Variants in WWC1 observed in about 807,000 individuals in gnomAD.
WWC1 encodes the protein protein KIBRA.
WWC1 carries 55 observed loss-of-function variants against 138.4 expected under a neutral mutation model. The ratio of observed to expected loss-of-function variants is 0.40; its 90% CI spans 0.32 to 0.50. The LOEUF is 0.50. WWC1 is among the 20% of genes least tolerant of loss of function. WWC1 has a pLI of 0.72. For missense variants in WWC1, 1,226 were observed against 1,420.4 expected, an observed-to-expected ratio of 0.86 and a Z score of 2.20; for synonymous variants, 524 against 564.9, an observed-to-expected ratio of 0.93 and a Z score of 1.03.
At chr5:168,432,544 A>G (rs992425267) in intron 15 of WWC1, among the ~76,000 whole-genome samples, 1 of 152,236 alleles carries the variant, frequency 6.6e-6, no homozygotes, top group African/African-American at 2.4e-5. Context: ...GTTAACCCTG[A>G]TGCCATTTAG....
intron 2 of WWC1, among the ~76,000 whole-genome samples, chr5:168,374,606 T>A (rs1014632877): frequency 6.6e-6 from 1 of 152,116 alleles, no homozygotes; most frequent in Non-Finnish European, 1.5e-5. Context: ...AGAGTAGAGG[T>A]CAGGCAGTGG....
chr5:168,416,018 C>G (rs1227629599), intron 9 of WWC1: 3 of 152,168 alleles, frequency 2.0e-5, no homozygotes, highest in African/African-American at 7.2e-5. Flanking sequence ...GTCACCCCAT[C>G]ATGGGGCTTC....
chr5:168,294,728 C>T (rs565736674), intron 1 of WWC1, among the ~76,000 whole-genome samples: 21 of 152,218 alleles, frequency 1.4e-4, no homozygotes, highest in South Asian at 8.3e-4. Flanking sequence ...TGGGTTCAAG[C>T]GATTCTCCTG....
At chr5:168,383,804 C>T (rs1777829768) in intron 2 of WWC1, among the ~76,000 whole-genome samples, 1 of 152,218 alleles carries the variant, frequency 6.6e-6, no homozygotes, top group South Asian at 2.1e-4. Context: ...CCTAACACCA[C>T]CCAACAACTG....
At chr5:168,459,774 C>A (rs559294821) in intron 19 of WWC1, among the ~76,000 whole-genome samples, 1 of 152,250 alleles carries the variant, frequency 6.6e-6, no homozygotes, top group Non-Finnish European at 1.5e-5. Flanking sequence ...AGGAGACCTG[C>A]AACAGTGAAC....
At position 168,432,889 on chromosome 5, in the gene WWC1, G is replaced by C. The variant is rs528916365; in HGVS notation, c.2280+1445G>C. ...CTCCATTTCTGGAAGCTGGAATGTAGAGCCTCTCACTGCCTTCTTGGAGGG... is the reference window on the plus strand; with the variant it reads ...CTCCATTTCTGGAAGCTGGAATGTACAGCCTCTCACTGCCTTCTTGGAGGG... On this transcript the variant is annotated intron_variant, in intron 15 of 22. Coordinates refer to ENST00000265293, the MANE Select transcript of WWC1 (RefSeq NM_015238.3). Among the ~76,000 whole-genome samples the C allele has an allele frequency of 7.2e-5, 11 of 152,330 alleles. No individual in the cohort carries two copies. The South Asian group carries it at 2.3e-3, about 32-fold the overall frequency.
chr5:168,334,392 G>A (rs1773287828), intron 1 of WWC1, among the ~76,000 whole-genome samples: 2 of 152,038 alleles, frequency 1.3e-5, no homozygotes, highest in South Asian at 4.1e-4. Context: ...TTGCAACCTT[G>A]TGCATTATAG....
intron 1 of WWC1, among the ~76,000 whole-genome samples, chr5:168,357,373 C>G (rs1273852083): frequency 1.3e-5 from 2 of 151,702 alleles, no homozygotes; most frequent in African/African-American, 4.8e-5. Flanking sequence ...CTCCCCAGCA[C>G]TGGAGCTCAA....
At position 168,414,103 on chromosome 5, in the gene WWC1, A is replaced by G. The variant is rs138365563; in HGVS notation, c.942-245A>G. On this transcript the variant is annotated intron_variant, in intron 8 of 22. Coordinates refer to ENST00000265293, the MANE Select transcript of WWC1 (RefSeq NM_015238.3). Reference sequence around the variant, plus strand: ...TCCACATCTCTATTGTACCAGGAACAGGGCAAGGACATTGCCTTGTTCATG... The same window carrying G: ...TCCACATCTCTATTGTACCAGGAACGGGGCAAGGACATTGCCTTGTTCATG... 1.6e-3 allele frequency: 803 copies of G among 495,548 alleles called. 1 individual carries two copies. The highest frequency in any genetic ancestry group is 0.014 in the African/African-American group (729 of 51,828). The allele number at this position is 495,548 out of a possible 1,614,324, so 30.7% of individuals were successfully genotyped here.
rs578095343 is a variant in WWC1, at chr5:168,467,598, C to A, written c.3151-242C>A. On this transcript the variant is annotated intron_variant, in intron 21 of 22. Transcript: ENST00000265293. Reference sequence around the variant, plus strand: ...TAGAGGTAGCGCACATTTCAACAGGCAGCCCTCATCTCCTCAATTCCTCAG... The same window carrying A: ...TAGAGGTAGCGCACATTTCAACAGGAAGCCCTCATCTCCTCAATTCCTCAG... The A allele has an allele frequency of 1.6e-5, 8 of 489,222 alleles. No individual in the cohort carries two copies. In the Admixed American group the frequency reaches 2.8e-4, roughly 17 times the overall value. The allele number at this position is 489,222 out of a possible 1,614,324, so 30.3% of individuals were successfully genotyped here.
At chr5:168,330,058 C>T (rs773963448) in intron 1 of WWC1, among the ~76,000 whole-genome samples, 64 of 152,016 alleles carry the variant, frequency 4.2e-4, no homozygotes, top group Non-Finnish European at 7.5e-4. Context: ...TGCAGTGAGC[C>T]GAGATCGCAC....
intron 2 of WWC1, among the ~76,000 whole-genome samples, chr5:168,381,620 C>T (rs570737495): frequency 1.3e-5 from 2 of 152,058 alleles, no homozygotes; most frequent in African/African-American, 4.8e-5. Context: ...CCGGGTGATT[C>T]TAATGTTCAA....
intron 12 of WWC1, 86 bp downstream of exon 12, chr5:168,428,227 G>A (rs1357887750): frequency 2.9e-6 from 4 of 1,384,128 alleles, no homozygotes; most frequent in Non-Finnish European, 4.0e-6. Context: ...GAGAGGCTTA[G>A]GTTTTGGCCC....
intron 1 of WWC1, among the ~76,000 whole-genome samples, chr5:168,321,158 A>G (rs1231599972): frequency 6.6e-6 from 1 of 152,150 alleles, no homozygotes; most frequent in Non-Finnish European, 1.5e-5. Context: ...CCCTCATCCC[A>G]GAGATACCTG....
intron 3 of WWC1, among the ~76,000 whole-genome samples, chr5:168,390,590 A>G (rs184046639): frequency 6.6e-6 from 1 of 152,238 alleles, no homozygotes; most frequent in Non-Finnish European, 1.5e-5. Flanking sequence ...AAGCCTCATC[A>G]TGACTCTGTC....
intron 11 of WWC1, among the ~76,000 whole-genome samples, chr5:168,426,574 C>T (rs1781518246): frequency 6.6e-6 from 1 of 152,234 alleles, no homozygotes; most frequent in African/African-American, 2.4e-5. Context: ...TGCCGCTGTT[C>T]AGTCAGCAGA....
chr5:168,338,470 G>A (rs1363583054), intron 1 of WWC1, among the ~76,000 whole-genome samples: 3 of 150,792 alleles, frequency 2.0e-5, no homozygotes, highest in Non-Finnish European at 4.4e-5. Flanking sequence ...GGAGTGCAGA[G>A]GCGCCATCTC....
At chr5:168,410,931 C>CTTTTTT (rs1354123052) in intron 8 of WWC1, among the ~76,000 whole-genome samples, 14 of 114,478 alleles carry the variant, frequency 1.2e-4, no homozygotes, top group African/African-American at 1.3e-4. Flanking sequence ...ATGATCTTTG[C>CTTTTTT]TTTTTTTTTT....
intron 15 of WWC1, among the ~76,000 whole-genome samples, chr5:168,432,389 G>C (rs1361466027): frequency 6.6e-6 from 1 of 152,184 alleles, no homozygotes. Flanking sequence ...TGGGGATGAA[G>C]TAGCCCAAGT....
Sources: gnomAD v4.1 joint callset for allele counts (sites outside exome capture counted in the v4.1 genomes callset) on GRCh38, gnomAD v4.1.1 for gene constraint, MANE v1.5 for transcripts, NCBI Gene and HGNC (gene_info 2026-07-23, HGNC 2026-07-21) for gene names.